RPS6KC1: variants seen among roughly 807,000 people sequenced by gnomAD.
The protein encoded by RPS6KC1 is inactive ribosomal protein S6 kinase delta-1.
Under a neutral mutation model 103.8 loss-of-function variants are expected in RPS6KC1, and 54 were observed. The observed-to-expected ratio is 0.52, with a 90% CI of 0.42 to 0.65. The LOEUF (loss-of-function observed/expected upper bound fraction) is 0.65, where lower values mean the gene tolerates loss of function less well. Among genes scored for constraint, RPS6KC1 ranks in the 30% least tolerant of loss-of-function variants. RPS6KC1 has a pLI of 0.00. For synonymous variants in RPS6KC1, 439 were observed against 438.7 expected (o/e 1.00, Z -0.01); for missense variants, 1,151 against 1,253.8 (o/e 0.92, Z 1.24).
At chr1:213,402,602 C>T in the RPS6KC1 span, among the ~76,000 whole-genome samples, 1 of 152,090 alleles carries the variant, frequency 6.6e-6, no homozygotes, top group South Asian at 2.1e-4. Context: ...CTCTAAGTTC[C>T]ATGGAGTTAA....
chr1:213,651,378 T>C, the RPS6KC1 span, among the ~76,000 whole-genome samples: 1 of 152,080 alleles, frequency 6.6e-6, no homozygotes, highest in African/African-American at 2.4e-5. Flanking sequence ...AATACAAACA[T>C]AAACAATGAT....
At chr1:213,333,853 T>G in the RPS6KC1 span, among the ~76,000 whole-genome samples, 1 of 152,112 alleles carries the variant, frequency 6.6e-6, no homozygotes, top group Admixed American at 6.5e-5. Flanking sequence ...GGCTAATTTT[T>G]GTATTTTTAG....
At chr1:213,238,053 C>A (rs1231007336) in intron 10 of RPS6KC1, among the ~76,000 whole-genome samples, 2 of 151,782 alleles carry the variant, frequency 1.3e-5, no homozygotes, top group Admixed American at 6.6e-5. Flanking sequence ...ATATTTAATA[C>A]CTGTTTTACA....
the RPS6KC1 span, among the ~76,000 whole-genome samples, chr1:213,534,372 T>G: frequency 6.6e-6 from 1 of 152,230 alleles, no homozygotes; most frequent in African/African-American, 2.4e-5. Context: ...AAACACTTCC[T>G]ATATAGTAAC....
At chr1:213,123,422 A>G (rs1441541730) in intron 5 of RPS6KC1, among the ~76,000 whole-genome samples, 2 of 151,528 alleles carry the variant, frequency 1.3e-5, no homozygotes, top group African/African-American at 4.8e-5. Flanking sequence ...GTTTTACCAA[A>G]TCTGTACGAG....
At chr1:213,430,856 C>T in the RPS6KC1 span, among the ~76,000 whole-genome samples, 2 of 152,192 alleles carry the variant, frequency 1.3e-5, no homozygotes, top group South Asian at 2.1e-4. Context: ...TTAAATGGCA[C>T]TAATTCAGTG....
At chr1:213,808,791 C>G in the RPS6KC1 span, among the ~76,000 whole-genome samples, 1 of 152,218 alleles carries the variant, frequency 6.6e-6, no homozygotes, top group African/African-American at 2.4e-5. Flanking sequence ...ACCCACTGAC[C>G]TGCGCCCACT....
intron 12 of RPS6KC1, among the ~76,000 whole-genome samples, chr1:213,258,400 A>T (rs1263671780): frequency 6.6e-6 from 1 of 152,256 alleles, no homozygotes; most frequent in Admixed American, 6.5e-5. Context: ...AAAATGGAGC[A>T]AATGAAATTC....
the RPS6KC1 span, among the ~76,000 whole-genome samples, chr1:213,634,446 C>T: frequency 6.6e-6 from 1 of 152,210 alleles, no homozygotes. Flanking sequence ...CACACAACTA[C>T]ATGGAAACTG....
At chr1:213,099,645 T>C (rs1193071353) in intron 3 of RPS6KC1, among the ~76,000 whole-genome samples, 1 of 152,200 alleles carries the variant, frequency 6.6e-6, no homozygotes, top group East Asian at 1.9e-4. Flanking sequence ...GTTTGCTTCT[T>C]GCCCCTTCCC....
the RPS6KC1 span, among the ~76,000 whole-genome samples, chr1:213,692,050 G>A: frequency 6.6e-6 from 1 of 152,218 alleles, no homozygotes; most frequent in Non-Finnish European, 1.5e-5. Flanking sequence ...TTGACTGAAG[G>A]ACATAAGGCA....
the RPS6KC1 span, among the ~76,000 whole-genome samples, chr1:213,540,640 C>G: frequency 6.6e-6 from 1 of 152,310 alleles, no homozygotes; most frequent in South Asian, 2.1e-4. Flanking sequence ...CATGAGCCAC[C>G]ATGTCTGGTC....
the RPS6KC1 span, among the ~76,000 whole-genome samples, chr1:213,300,648 C>T: frequency 2.0e-3 from 297 of 152,238 alleles, no homozygotes; most frequent in African/African-American, 6.5e-3. Flanking sequence ...TGACAGGGGC[C>T]AGGTCGTCTT....
At chr1:213,694,130 G>A in the RPS6KC1 span, among the ~76,000 whole-genome samples, 181 of 152,336 alleles carry the variant, frequency 1.2e-3, 2 homozygotes, top group African/African-American at 3.4e-3. Context: ...GGCTGGGATC[G>A]GGATTATAGT....
the RPS6KC1 span, among the ~76,000 whole-genome samples, chr1:213,621,531 A>G: frequency 6.6e-6 from 1 of 152,156 alleles, no homozygotes; most frequent in Non-Finnish European, 1.5e-5. Context: ...AGTGCTCGGA[A>G]TTAAGGACAT....
intron 6 of RPS6KC1, among the ~76,000 whole-genome samples, chr1:213,130,659 C>T (rs1360406289): frequency 6.6e-6 from 1 of 152,130 alleles, no homozygotes; most frequent in Non-Finnish European, 1.5e-5. Context: ...GTACTTCTCA[C>T]TATGCCTAGT....
chr1:213,124,718 C>T (rs926663945), intron 5 of RPS6KC1, among the ~76,000 whole-genome samples: 10 of 151,904 alleles, frequency 6.6e-5, no homozygotes, highest in African/African-American at 7.3e-5. Context: ...CCGGAGAATA[C>T]GTCATTGAGA....
chr1:213,752,741 A>T, the RPS6KC1 span, among the ~76,000 whole-genome samples: 1 of 152,220 alleles, frequency 6.6e-6, no homozygotes, highest in African/African-American at 2.4e-5. Flanking sequence ...TAGCTGGAGG[A>T]CACCCAGCAC....
chr1:213,602,031 TTTC>T, the RPS6KC1 span, among the ~76,000 whole-genome samples: 390 of 18,002 alleles, frequency 0.022, 75 homozygotes, highest in African/African-American at 0.048. Context: ...TTTCTTTCTC[TTTC>T]TCTTTCTTTC....
Sources: gnomAD v4.1 joint callset for allele counts (sites outside exome capture counted in the v4.1 genomes callset) on GRCh38, gnomAD v4.1.1 for gene constraint, MANE v1.5 for transcripts, NCBI Gene and HGNC (gene_info 2026-07-23, HGNC 2026-07-21) for gene names.